LHFPL2: variants seen among roughly 807,000 people sequenced by gnomAD.
The protein encoded by LHFPL2 is LHFPL tetraspan subfamily member 2.
In LHFPL2, 7 loss-of-function variants were observed where a neutral mutation model predicts 17.5. The observed-to-expected ratio is 0.40, with a 90% confidence interval of 0.23 to 0.75. The LOEUF (loss-of-function observed/expected upper bound fraction) is 0.75, where lower values mean the gene tolerates loss of function less well. LHFPL2 is among the 30% of genes least tolerant of loss of function. The probability of loss-of-function intolerance (pLI) is 0.37; values close to 1 mark genes in which losing one functional copy is unlikely to be tolerated. For synonymous variants in LHFPL2, 134 were observed against 116.2 expected, an observed-to-expected ratio of 1.15 and a Z score of -0.99; for missense variants, 241 against 294.8, an observed-to-expected ratio of 0.82 and a Z score of 1.34.
intron 2 of LHFPL2, among the ~76,000 whole-genome samples, chr5:78,611,398 T>C (rs1744419166): frequency 6.6e-6 from 1 of 152,230 alleles, no homozygotes. Context: ...CAGTGTCATC[T>C]TCTGACCCTG....
chr5:78,509,739 TCTCCATCC>T (rs1250852348), intron 4 of LHFPL2, 37 bp downstream of exon 4: 10 of 1,572,430 alleles, frequency 6.4e-6, no homozygotes, highest in Middle Eastern at 3.5e-4. Context: ...CACCGGCAGC[TCTCCATCC>T]CTCCATCCCA....
chr5:78,579,285 C>G (rs1225240494), intron 2 of LHFPL2, among the ~76,000 whole-genome samples: 1 of 151,208 alleles, frequency 6.6e-6, no homozygotes, highest in Non-Finnish European at 1.5e-5. Flanking sequence ...TTTTCTGTTA[C>G]TGCTAAGATT....
At chr5:78,552,171 T>C (rs1428978411) in intron 3 of LHFPL2, among the ~76,000 whole-genome samples, 2 of 151,426 alleles carry the variant, frequency 1.3e-5, no homozygotes, top group Admixed American at 6.6e-5. Flanking sequence ...TCTCGCTCTG[T>C]TGCCCAGGCT....
At chr5:78,559,204 T>C (rs1007005953) in intron 3 of LHFPL2, among the ~76,000 whole-genome samples, 1 of 152,234 alleles carries the variant, frequency 6.6e-6, no homozygotes, top group Non-Finnish European at 1.5e-5. Context: ...ATTTTGTGGC[T>C]TCCCAAATTA....
At chr5:78,611,851 G>A (rs1314520370) in intron 2 of LHFPL2, among the ~76,000 whole-genome samples, 1 of 152,018 alleles carries the variant, frequency 6.6e-6, no homozygotes, top group East Asian at 1.9e-4. Flanking sequence ...CAGAATATAC[G>A]GAGGCCACAA....
intron 3 of LHFPL2, among the ~76,000 whole-genome samples, chr5:78,545,172 G>A (rs970959881): frequency 1.3e-5 from 2 of 151,912 alleles, no homozygotes; most frequent in Admixed American, 6.5e-5. Context: ...CGCAGAGAGC[G>A]CTTCTTCACG....
chr5:78,490,412 G>GC (rs1188295435), intron 4 of LHFPL2, among the ~76,000 whole-genome samples: 10 of 151,956 alleles, frequency 6.6e-5, no homozygotes, highest in East Asian at 3.9e-4. Flanking sequence ...GGCAACCTAG[G>GC]CCCCCCCAGA....
intron 2 of LHFPL2, among the ~76,000 whole-genome samples, chr5:78,573,463 C>T (rs967986953): frequency 6.6e-6 from 1 of 152,248 alleles, no homozygotes; most frequent in African/African-American, 2.4e-5. Context: ...ACAAGCGTCA[C>T]TACAGCTGCC....
chr5:78,598,046 A>G (rs1561358511), intron 2 of LHFPL2, among the ~76,000 whole-genome samples: 1 of 152,202 alleles, frequency 6.6e-6, no homozygotes, highest in Non-Finnish European at 1.5e-5. Flanking sequence ...AGACCCCTTA[A>G]GGCAACCCTG....
chr5:78,555,761 G>A (rs978727281), intron 3 of LHFPL2, among the ~76,000 whole-genome samples: 2 of 152,232 alleles, frequency 1.3e-5, no homozygotes, highest in African/African-American at 4.8e-5. Flanking sequence ...GCCACAGAGT[G>A]GGCTGGAAAA....
In LHFPL2 at chr5:78,488,809, GGTTAGTTCTCC is replaced by G. The variant is rs1266364444; in HGVS notation, c.*77_*87del. The G allele has an allele frequency of 1.1e-5, 17 of 1,485,030 alleles. No homozygotes were observed. In the African/African-American group the frequency reaches 2.3e-4, roughly 20 times the overall value. 92.0% of individuals were successfully genotyped at this position (1,485,030 alleles called of 1,614,324 possible). On this transcript the variant is annotated 3_prime_UTR_variant, in exon 5 of 5. Coordinates refer to ENST00000380345, the MANE Select transcript of LHFPL2 (RefSeq NM_005779.3). ...GTGGAACGTGGCTTTGGTAGGTAAA[GGTTAGTTCTCC>G]ACTTGACTCAAATGATGAAACTGTG...
At chr5:78,515,794 G>A (rs560654665) in intron 3 of LHFPL2, among the ~76,000 whole-genome samples, 2 of 152,270 alleles carry the variant, frequency 1.3e-5, no homozygotes, top group South Asian at 4.1e-4. Flanking sequence ...GTGAGGCAGC[G>A]TGGAAAAGGT....
intron 2 of LHFPL2, among the ~76,000 whole-genome samples, chr5:78,609,981 C>A (rs1363980297): frequency 3.3e-5 from 5 of 152,128 alleles, no homozygotes; most frequent in African/African-American, 1.2e-4. Flanking sequence ...CTGCCCTGGG[C>A]AGCAGCTCCC....
At chr5:78,626,423 T>C (rs1580870703) in intron 2 of LHFPL2, 1 of 152,226 alleles carries the variant, frequency 6.6e-6, no homozygotes, top group East Asian at 1.9e-4. Flanking sequence ...GACTCTTGCA[T>C]CCGCGTAGAG....
At chr5:78,617,380 G>A (rs11951081) in intron 2 of LHFPL2, among the ~76,000 whole-genome samples, 2,035 of 152,208 alleles carry the variant, frequency 0.013, 44 homozygotes, top group African/African-American at 0.045. Flanking sequence ...AAAGCTATTC[G>A]TTTTCTCTAA....
At chr5:78,600,429 A>G (rs1422274116) in intron 2 of LHFPL2, among the ~76,000 whole-genome samples, 1 of 152,126 alleles carries the variant, frequency 6.6e-6, no homozygotes, top group African/African-American at 2.4e-5. Context: ...ATATCAAATC[A>G]TAAAACTTTC....
chr5:78,633,193 C>A (rs755614334), intron 1 of LHFPL2, among the ~76,000 whole-genome samples: 18 of 152,202 alleles, frequency 1.2e-4, no homozygotes, highest in Non-Finnish European at 2.4e-4. Flanking sequence ...AATGCCACAT[C>A]CTGGTCGGTT....
chr5:78,546,544 C>T (rs550172277), intron 3 of LHFPL2, among the ~76,000 whole-genome samples: 1 of 152,322 alleles, frequency 6.6e-6, no homozygotes, highest in East Asian at 1.9e-4. Context: ...CAGTGATCAA[C>T]AAATGGAAAG....
intron 2 of LHFPL2, among the ~76,000 whole-genome samples, chr5:78,609,844 TA>T (rs139554101): frequency 0.38 from 54,800 of 145,752 alleles, 10,703 homozygotes; most frequent in Middle Eastern, 0.48. Flanking sequence ...TTGGTGTACC[TA>T]AAAAAAAAAA....
Sources: allele counts gnomAD v4.1 joint callset (sites outside exome capture counted in the v4.1 genomes callset), GRCh38; gene constraint gnomAD v4.1.1; transcripts MANE v1.5; gene names NCBI Gene and HGNC (gene_info 2026-07-23, HGNC 2026-07-21).